Variants in COMMD1 observed in about 807,000 individuals in gnomAD.
COMMD1 encodes copper metabolism domain containing 1.
In COMMD1, 10 loss-of-function variants were observed where a neutral mutation model predicts 17.2. The observed-to-expected ratio is 0.58, with a 90% confidence interval of 0.36 to 0.99. COMMD1 has a LOEUF of 0.99. Ranked by LOEUF, COMMD1 falls within the 50% of genes least tolerant of loss-of-function variation. The pLI is 0.01. For synonymous variants in COMMD1, 97 were observed against 91.6 expected, an observed-to-expected ratio of 1.06 and a Z score of -0.34; for missense variants, 270 against 231.8, an observed-to-expected ratio of 1.17 and a Z score of -1.07.
intron 1 of COMMD1, among the ~76,000 whole-genome samples, chr2:61,917,164 G>C (rs1670072167): frequency 6.6e-6 from 1 of 151,970 alleles, no homozygotes; most frequent in Non-Finnish European, 1.5e-5. Context: ...GACCAGCCTG[G>C]CCAACATGAT....
rs148680786 is a variant in COMMD1 at position 61,944,978 on chromosome 2, A to C, written c.180+39120A>C. Among the ~76,000 whole-genome samples the C allele has an allele frequency of 3.2e-4, 48 of 152,312 alleles. No individual in the cohort carries two copies. In the East Asian group the frequency reaches 7.7e-3, roughly 24 times the overall value. On this transcript the variant is annotated intron_variant, in intron 1 of 2. Coordinates refer to ENST00000311832, the MANE Select transcript of COMMD1 (RefSeq NM_152516.4). ...TTGCTGCTGCAAGGAATTTTAGCCA[A>C]TTCGGAGGCCTTGTTCCCCATAATT...
At chr2:62,066,681 G>A (rs1006909692) in intron 2 of COMMD1, among the ~76,000 whole-genome samples, 1 of 146,402 alleles carries the variant, frequency 6.8e-6, no homozygotes, top group Non-Finnish European at 1.5e-5. Flanking sequence ...GATTACAGGT[G>A]TGAGCCACCG....
At chr2:61,990,924 A>ACG (rs1170197724) in intron 1 of COMMD1, among the ~76,000 whole-genome samples, 2 of 150,450 alleles carry the variant, frequency 1.3e-5, no homozygotes, top group African/African-American at 4.9e-5. Context: ...ACACACACAC[A>ACG]CACACACACA....
intron 2 of COMMD1, chr2:62,100,394 C>T (rs528027470): frequency 7.9e-5 from 12 of 152,240 alleles, no homozygotes; most frequent in African/African-American, 2.6e-4. Flanking sequence ...GACCGTGGCC[C>T]GTGGCACAGC....
chr2:62,101,455 A>T (rs934904407), intron 2 of COMMD1, among the ~76,000 whole-genome samples: 2 of 152,180 alleles, frequency 1.3e-5, no homozygotes. Context: ...CAAAAAATTT[A>T]AAAAATTAGC....
intron 2 of COMMD1, among the ~76,000 whole-genome samples, chr2:62,110,635 A>T (rs1470362177): frequency 6.6e-6 from 1 of 152,102 alleles, no homozygotes; most frequent in East Asian, 1.9e-4. Context: ...TGAGACAATT[A>T]TGTTTATGTG....
At chr2:61,920,375 G>C (rs1670158225) in intron 1 of COMMD1, among the ~76,000 whole-genome samples, 1 of 151,858 alleles carries the variant, frequency 6.6e-6, no homozygotes, top group Non-Finnish European at 1.5e-5. Context: ...GTACTGCAGA[G>C]AGAGTTCTAA....
At chr2:62,094,017 A>G (rs1156403150) in intron 2 of COMMD1, among the ~76,000 whole-genome samples, 1 of 152,156 alleles carries the variant, frequency 6.6e-6, no homozygotes, top group Non-Finnish European at 1.5e-5. Context: ...CTGCCCAGTA[A>G]TGCCCCTGGT....
intron 2 of COMMD1, among the ~76,000 whole-genome samples, chr2:62,008,367 C>G (rs1317249380): frequency 1.4e-5 from 2 of 146,614 alleles, no homozygotes; most frequent in African/African-American, 4.9e-5. Flanking sequence ...GACAGACACA[C>G]ACACACACAC....
chr2:62,090,827 G>C (rs1234102747), intron 2 of COMMD1: 1 of 152,188 alleles, frequency 6.6e-6, no homozygotes, highest in Non-Finnish European at 1.5e-5. Context: ...GATGCCATGT[G>C]TTATTATCGG....
chr2:61,908,037 A>C (rs1225039819), intron 1 of COMMD1, among the ~76,000 whole-genome samples: 1 of 151,844 alleles, frequency 6.6e-6, no homozygotes, highest in Admixed American at 6.6e-5. Context: ...GGATACTTGA[A>C]GTTTTCAAGT....
chr2:61,972,087 G>A (rs189475717), intron 1 of COMMD1, among the ~76,000 whole-genome samples: 141 of 152,110 alleles, frequency 9.3e-4, no homozygotes, highest in African/African-American at 3.2e-3. Context: ...GCCACTGCAC[G>A]CCAGCCTGGG....
At chr2:62,128,558 ATGT>A (rs1278612652) in intron 2 of COMMD1, among the ~76,000 whole-genome samples, 1 of 152,036 alleles carries the variant, frequency 6.6e-6, no homozygotes, top group Non-Finnish European at 1.5e-5. Flanking sequence ...TTAGTTGTTG[ATGT>A]TGTTGTTCTT....
chr2:62,120,182 T>C (rs574787080), intron 2 of COMMD1, among the ~76,000 whole-genome samples: 1 of 152,154 alleles, frequency 6.6e-6, no homozygotes, highest in South Asian at 2.1e-4. Flanking sequence ...GTATTTTTAG[T>C]AGAGAATGGG....
chr2:62,110,527 G>A (rs973148265), intron 2 of COMMD1, among the ~76,000 whole-genome samples: 1 of 152,150 alleles, frequency 6.6e-6, no homozygotes, highest in African/African-American at 2.4e-5. Context: ...AACGTTAGCT[G>A]CTTTTCTGAC....
intron 1 of COMMD1, among the ~76,000 whole-genome samples, chr2:61,988,316 T>C (rs1377140421): frequency 2.6e-5 from 4 of 152,190 alleles, no homozygotes; most frequent in African/African-American, 9.7e-5. Flanking sequence ...GCCCACAGCA[T>C]GTTCTACCTG....
intron 1 of COMMD1, among the ~76,000 whole-genome samples, chr2:61,917,229 C>T (rs1254183208): frequency 1.3e-5 from 2 of 151,880 alleles, no homozygotes; most frequent in African/African-American, 4.8e-5. Flanking sequence ...TGGTAGCGTG[C>T]ACCTGTAATC....
At chr2:61,947,187 A>G (rs1185324237) in intron 1 of COMMD1, among the ~76,000 whole-genome samples, 6 of 152,328 alleles carry the variant, frequency 3.9e-5, no homozygotes, top group African/African-American at 1.4e-4. Context: ...CTATAAAAAT[A>G]AGTACTAAAA....
intron 1 of COMMD1, among the ~76,000 whole-genome samples, chr2:61,895,170 G>C (rs1036486844): frequency 1.3e-5 from 2 of 152,218 alleles, no homozygotes; most frequent in Non-Finnish European, 2.9e-5. Flanking sequence ...AGAGATTTAA[G>C]ACAGCCAGGA....
Sources: gnomAD v4.1 joint callset for allele counts (sites outside exome capture counted in the v4.1 genomes callset) on GRCh38, gnomAD v4.1.1 for gene constraint, MANE v1.5 for transcripts, NCBI Gene and HGNC (gene_info 2026-07-23, HGNC 2026-07-21) for gene names.